BCL2: variants seen among roughly 807,000 people sequenced by gnomAD.
BCL2 encodes the protein apoptosis regulator Bcl-2.
Under a neutral mutation model 14.2 loss-of-function variants are expected in BCL2, and 1 was observed. The observed-to-expected ratio is 0.07, with a 90% CI of 0.02 to 0.33. BCL2 has a LOEUF of 0.33. Ranked by LOEUF, BCL2 falls within the 10% of genes least tolerant of loss-of-function variation. The pLI, the probability that BCL2 is intolerant of heterozygous loss-of-function variation, is 0.99. For missense variants in BCL2, 247 were observed against 305.9 expected (o/e 0.81, Z 1.44); for synonymous variants, 151 against 137.2 (o/e 1.10, Z -0.70).
At position 63,175,341 on chromosome 18, in the gene BCL2, G is replaced by A. The variant is rs1310524326; in HGVS notation, c.586-46582C>T. On this transcript the variant is annotated intron_variant, in intron 2 of 2. Coordinates refer to ENST00000333681, the MANE Select transcript of BCL2 (RefSeq NM_000633.3). ...GTGGTACTAGCCAAATGCTATAGTC[G>A]AATTAGCTAACCATCTGTTGTACTG... 2.6e-5 allele frequency among the ~76,000 whole-genome samples: 4 copies of A among 152,148 alleles called. No individual in the cohort carries two copies. The East Asian group carries it at 5.8e-4, about 22-fold the overall frequency.
chr18:63,290,152 T>C (rs917551389), intron 2 of BCL2, among the ~76,000 whole-genome samples: 10 of 152,064 alleles, frequency 6.6e-5, no homozygotes, highest in Admixed American at 1.3e-4. Flanking sequence ...AGAGAAACTG[T>C]TGAGTCCAAG....
At chr18:63,217,707 C>T (rs1310315536) in intron 2 of BCL2, among the ~76,000 whole-genome samples, 1 of 152,190 alleles carries the variant, frequency 6.6e-6, no homozygotes, top group Admixed American at 6.5e-5. Context: ...GGGCAAATGG[C>T]TTTATCAGTG....
At chr18:63,157,736 A>G (rs1327099838) in intron 2 of BCL2, among the ~76,000 whole-genome samples, 1 of 152,178 alleles carries the variant, frequency 6.6e-6, no homozygotes, top group Non-Finnish European at 1.5e-5. Context: ...CTCCTAATTC[A>G]GGGCCCTTCA....
rs1914502973 is a variant in BCL2 at position 63,146,052 on chromosome 18, A to G, written c.586-17293T>C. 2.6e-5 allele frequency among the ~76,000 whole-genome samples: 4 copies of G among 151,650 alleles called. No individual in the cohort carries two copies. In the South Asian group the frequency reaches 8.4e-4, roughly 32 times the overall value. ...CCTTTTCCCTGCCAAAATTCCCTTT[A>G]TTTTTTTCTCCTTCACTTTGTCCTT... is the stretch of plus-strand genomic sequence containing the variant. On this transcript the variant is annotated intron_variant, in intron 2 of 2. Transcript: ENST00000333681.
At chr18:63,129,019 C>A (rs1913991198) in intron 2 of BCL2, among the ~76,000 whole-genome samples, 1 of 152,190 alleles carries the variant, frequency 6.6e-6, no homozygotes, top group South Asian at 2.1e-4. Context: ...CTAAAAGTTC[C>A]TACTTCACGA....
At chr18:63,153,395 T>C (rs905039330) in intron 2 of BCL2, among the ~76,000 whole-genome samples, 10 of 152,348 alleles carry the variant, frequency 6.6e-5, no homozygotes, top group Middle Eastern at 3.4e-3. Flanking sequence ...CTGTCAGAGA[T>C]GGCAATTTTC....
Position 63,213,547 on chromosome 18 carries a change from AACAC to A in BCL2, c.586-84792_586-84789del, listed in dbSNP as rs57058660. On this transcript the variant is annotated intron_variant, in intron 2 of 2. Coordinates refer to ENST00000333681, the MANE Select transcript of BCL2 (RefSeq NM_000633.3). ...TAAACCACACACACACACACACATA[AACAC>A]ACACACACACACACACACACACACA... 3.4e-3 allele frequency among the ~76,000 whole-genome samples: 495 copies of A among 146,334 alleles called. 1 individual carries two copies. Among genetic ancestry groups the A allele is most frequent in the African/African-American group, 5.8e-3 (227 of 39,430 alleles).
chr18:63,151,404 C>G (rs1336369913), intron 2 of BCL2: 1 of 149,788 alleles, frequency 6.7e-6, no homozygotes, highest in African/African-American at 2.5e-5. Flanking sequence ...GCAATACAAG[C>G]AAGAATGTCC....
chr18:63,131,242 C>A (rs1165415876), intron 2 of BCL2, among the ~76,000 whole-genome samples: 1 of 152,230 alleles, frequency 6.6e-6, no homozygotes, highest in Non-Finnish European at 1.5e-5. Flanking sequence ...AGACCAGCGA[C>A]TGCTAACCCA....
chr18:63,312,713 G>A (rs1913368511), intron 2 of BCL2, among the ~76,000 whole-genome samples: 1 of 152,144 alleles, frequency 6.6e-6, no homozygotes, highest in South Asian at 2.1e-4. Context: ...CCCCCGCTCT[G>A]GTTCAAAACC....
rs36078664 is a variant in BCL2 at position 63,266,604 on chromosome 18, ATCTCTCTCTC to A, written c.585+51468_585+51477del. ...AACCCGGAACCAATTTGGAACATAA[ATCTCTCTCTC>A]TCTCTCTCTCTCTCTCTCTCTCTCA... On this transcript the variant is annotated intron_variant, in intron 2 of 2. Coordinates refer to ENST00000333681, the MANE Select transcript of BCL2 (RefSeq NM_000633.3). Among the ~76,000 whole-genome samples, 71 of 141,554 alleles carry A rather than the reference ATCTCTCTCTC, an allele frequency of 5.0e-4. 1 individual carries two copies. Among genetic ancestry groups the A allele is most frequent in the African/African-American group, 1.8e-3 (68 of 37,234 alleles). 92.9% of individuals were successfully genotyped at this position (141,554 alleles called of 152,430 possible).
At chr18:63,225,396 T>C (rs983231031) in intron 2 of BCL2, among the ~76,000 whole-genome samples, 1 of 152,084 alleles carries the variant, frequency 6.6e-6, no homozygotes, top group African/African-American at 2.4e-5. Flanking sequence ...AAGATAACAG[T>C]ATATACATTA....
At chr18:63,194,153 T>C (rs1360994272) in intron 2 of BCL2, among the ~76,000 whole-genome samples, 2 of 152,194 alleles carry the variant, frequency 1.3e-5, no homozygotes, top group African/African-American at 4.8e-5. Context: ...AATTTTTGTC[T>C]ATTTGTTTGA....
chr18:63,311,317 CAAG>C (rs1913311454), intron 2 of BCL2, among the ~76,000 whole-genome samples: 1 of 152,090 alleles, frequency 6.6e-6, no homozygotes, highest in Admixed American at 6.5e-5. Flanking sequence ...TGGAAAAAGT[CAAG>C]AAGAGACAGC....
chr18:63,236,929 A>G (rs571173892), intron 2 of BCL2, among the ~76,000 whole-genome samples: 1 of 152,302 alleles, frequency 6.6e-6, no homozygotes, highest in South Asian at 2.1e-4. Flanking sequence ...TAGACTCTTC[A>G]TTCTGTTTTT....
At chr18:63,303,767 T>A (rs1054918684) in intron 2 of BCL2, among the ~76,000 whole-genome samples, 1 of 152,192 alleles carries the variant, frequency 6.6e-6, no homozygotes, top group Admixed American at 6.5e-5. Flanking sequence ...TAAATATTCA[T>A]TTCCTTCCTT....
chr18:63,289,174 C>T (rs1372023918), intron 2 of BCL2, among the ~76,000 whole-genome samples: 3 of 151,408 alleles, frequency 2.0e-5, no homozygotes, highest in East Asian at 1.9e-4. Flanking sequence ...CGGGCCTCAA[C>T]ATGTTTATAA....
At chr18:63,267,078 G>T (rs867814502) in intron 2 of BCL2, among the ~76,000 whole-genome samples, 1 of 152,132 alleles carries the variant, frequency 6.6e-6, no homozygotes, top group Non-Finnish European at 1.5e-5. Flanking sequence ...GGAGATGCTC[G>T]CACTGAGGGA....
Position 63,127,828 on chromosome 18 carries a change from TACACA to T in BCL2, c.*792_*796del, listed in dbSNP as rs1913950815. ...GGTGCGTATCCAAAATATATGAATA[TACACA>T]ATCAGGGCTTAAGGTACTGGATGAT... On this transcript the variant is annotated 3_prime_UTR_variant, in exon 3 of 3. Transcript: ENST00000333681. The T allele has an allele frequency of 4.5e-6, 1 of 223,526 alleles. No individual in the cohort carries two copies. Among genetic ancestry groups the T allele is most frequent in the Admixed American group, 5.7e-5 (1 of 17,416 alleles). The allele number at this position is 223,526 out of a possible 1,614,324, so 13.8% of individuals were successfully genotyped here.
Sources: allele counts gnomAD v4.1 joint callset (sites outside exome capture counted in the v4.1 genomes callset), GRCh38; gene constraint gnomAD v4.1.1; transcripts MANE v1.5; gene names NCBI Gene and HGNC (gene_info 2026-07-23, HGNC 2026-07-21).